MYO1B: variants seen among roughly 807,000 people sequenced by gnomAD.
MYO1B encodes unconventional myosin-Ib.
Under a neutral mutation model 159.7 loss-of-function variants are expected in MYO1B, and 72 were observed. The ratio of observed to expected loss-of-function variants is 0.45; its 90% CI spans 0.37 to 0.55. MYO1B has a LOEUF of 0.55. Among genes scored for constraint, MYO1B ranks in the 20% least tolerant of loss-of-function variants. The pLI, the probability that MYO1B is intolerant of heterozygous loss-of-function variation, is 0.00. For missense variants in MYO1B, 1,062 were observed against 1,364.8 expected (o/e 0.78, Z 3.50); for synonymous variants, 468 against 473.8 (o/e 0.99, Z 0.16).
chr2:191,307,273 G>T (rs1291544559), intron 3 of MYO1B, among the ~76,000 whole-genome samples: 1 of 151,496 alleles, frequency 6.6e-6, no homozygotes, highest in Non-Finnish European at 1.5e-5. Flanking sequence ...TCCCAACATT[G>T]CCATGGCATT....
intron 3 of MYO1B, among the ~76,000 whole-genome samples, chr2:191,317,442 G>T (rs1690424079): frequency 6.6e-6 from 1 of 152,134 alleles, no homozygotes; most frequent in African/African-American, 2.4e-5. Flanking sequence ...GCAAGGGCCT[G>T]CAATGTTACT....
In MYO1B at chr2:191,375,498, T is replaced by TAGAC. The variant is rs1553556412; in HGVS notation, c.1185+5209_1185+5210insCAGA. Among the ~76,000 whole-genome samples, 13 of 152,018 alleles carry TAGAC rather than the reference T, an allele frequency of 8.6e-5. No individual in the cohort carries two copies. In the East Asian group the frequency reaches 1.2e-3, roughly 14 times the overall value. On this transcript the variant is annotated intron_variant, in intron 13 of 30. Transcript: ENST00000392318. ...ATAGATAGATAGATAGATAGATAGATAGATAGATAGATAGATGGATCCAAC... is the reference window on the plus strand; with the variant it reads ...ATAGATAGATAGATAGATAGATAGATAGACAGATAGATAGATAGATGGATCCAAC...
At position 191,411,180 on chromosome 2, in the gene MYO1B, G is replaced by T. The variant is rs1291775455; in HGVS notation, c.2873+8G>T. On this transcript the variant is annotated splice_region_variant and intron_variant, in intron 27 of 30. Coordinates refer to ENST00000392318, the MANE Select transcript of MYO1B (RefSeq NM_001130158.3). ...GGCTTTATACCCATCTAGGTATTAT[G>T]GCTTTGCTTTACCCATAAAATTCAG... The T allele has an allele frequency of 6.6e-7, 1 of 1,526,380 alleles. No homozygotes were observed. The highest frequency in any genetic ancestry group is 2.3e-5 in the East Asian group (1 of 43,570). The allele number at this position is 1,526,380 out of a possible 1,614,324, so 94.6% of individuals were successfully genotyped here. A position where few individuals can be genotyped will look rare whatever the true frequency, so the allele number is the denominator to read the frequency against.
At chr2:191,374,653 T>G (rs1378998797) in intron 13 of MYO1B, among the ~76,000 whole-genome samples, 1 of 152,188 alleles carries the variant, frequency 6.6e-6, no homozygotes, top group Non-Finnish European at 1.5e-5. Context: ...CCACATGTGA[T>G]CCGATGTCAG....
At chr2:191,331,666 G>A (rs868295290) in intron 4 of MYO1B, among the ~76,000 whole-genome samples, 5 of 152,112 alleles carry the variant, frequency 3.3e-5, no homozygotes, top group Middle Eastern at 6.8e-3. Flanking sequence ...ACTATACTAG[G>A]GACTGTCCTT....
chr2:191,360,078 A>G (rs772684101), intron 7 of MYO1B, among the ~76,000 whole-genome samples: 47 of 152,304 alleles, frequency 3.1e-4, no homozygotes, highest in Admixed American at 2.6e-3. Context: ...ATGTGGGTGC[A>G]AGAGTCCTAA....
intron 3 of MYO1B, among the ~76,000 whole-genome samples, chr2:191,315,190 TC>T (rs1559162415): frequency 1.9e-4 from 27 of 142,008 alleles, no homozygotes; most frequent in Admixed American, 7.8e-4. Flanking sequence ...CATCCATCCA[TC>T]CACCCATCCA....
intron 3 of MYO1B, among the ~76,000 whole-genome samples, chr2:191,320,882 A>T (rs571272087): frequency 6.6e-6 from 1 of 152,066 alleles, no homozygotes; most frequent in Admixed American, 6.6e-5. Context: ...TTGGGGTTCC[A>T]GTTCAAATGG....
At chr2:191,340,596 A>C (rs1292549922) in intron 4 of MYO1B, among the ~76,000 whole-genome samples, 1 of 152,350 alleles carries the variant, frequency 6.6e-6, no homozygotes, top group East Asian at 1.9e-4. Flanking sequence ...AGTGAAGCCT[A>C]TTAAGACTAC....
chr2:191,414,483 C>A (rs761764627), intron 28 of MYO1B, 34 bp from the exon 29 acceptor site: 2 of 1,557,228 alleles, frequency 1.3e-6, no homozygotes, highest in South Asian at 1.2e-5. Flanking sequence ...TATTTGTGAT[C>A]ATTGGTTTTA....
At chr2:191,293,857 G>T (rs1688823470) in intron 2 of MYO1B, among the ~76,000 whole-genome samples, 1 of 152,148 alleles carries the variant, frequency 6.6e-6, no homozygotes, top group Non-Finnish European at 1.5e-5. Flanking sequence ...TCAAGATGGG[G>T]TTGCTCTGGT....
intron 2 of MYO1B, among the ~76,000 whole-genome samples, chr2:191,284,840 G>A (rs1192021972): frequency 6.6e-6 from 1 of 152,036 alleles, no homozygotes; most frequent in Non-Finnish European, 1.5e-5. Context: ...CACCATTTTG[G>A]CCAGGCTGGT....
At chr2:191,411,763 A>G (rs200096495) in intron 27 of MYO1B, among the ~76,000 whole-genome samples, 2 of 152,168 alleles carry the variant, frequency 1.3e-5, no homozygotes, top group Admixed American at 6.5e-5. Context: ...AGGAACACCA[A>G]TCCCAAGTTC....
At chr2:191,248,686 G>A (rs1486688122) in intron 1 of MYO1B, among the ~76,000 whole-genome samples, 1 of 152,180 alleles carries the variant, frequency 6.6e-6, no homozygotes, top group African/African-American at 2.4e-5. Flanking sequence ...AAAATCCTAA[G>A]TTGAACCATT....
chr2:191,318,098 CAAAA>C (rs944263443), intron 3 of MYO1B, among the ~76,000 whole-genome samples: 2 of 151,928 alleles, frequency 1.3e-5, no homozygotes, highest in Admixed American at 1.3e-4. Flanking sequence ...AAACTGTAAA[CAAAA>C]AAAGTCTCCC....
chr2:191,279,344 A>G (rs1048202577), intron 2 of MYO1B, among the ~76,000 whole-genome samples: 64 of 150,504 alleles, frequency 4.3e-4, no homozygotes, highest in African/African-American at 1.5e-3. Context: ...AAAGATGTGT[A>G]TGGGGGTTTA....
At chr2:191,246,688 T>C (rs1384013727) in intron 1 of MYO1B, among the ~76,000 whole-genome samples, 2 of 152,146 alleles carry the variant, frequency 1.3e-5, no homozygotes, top group Non-Finnish European at 2.9e-5. Flanking sequence ...TTTTATAGAA[T>C]CAATTTTGAC....
At chr2:191,369,502 A>C in intron 11 of MYO1B, 40 bp from the exon 12 acceptor site, 1 of 1,383,294 alleles carries the variant, frequency 7.2e-7, no homozygotes, top group Non-Finnish European at 1.0e-6. Context: ...AGCATTGTGG[A>C]ATTGTGGGTG....
intron 4 of MYO1B, among the ~76,000 whole-genome samples, chr2:191,336,489 T>A (rs895087901): frequency 3.9e-5 from 6 of 152,340 alleles, no homozygotes; most frequent in Admixed American, 1.3e-4. Context: ...GTGTGTTTAA[T>A]ATAAATTATC....
Sources: allele counts gnomAD v4.1 joint callset (sites outside exome capture counted in the v4.1 genomes callset), GRCh38; gene constraint gnomAD v4.1.1; transcripts MANE v1.5; gene names NCBI Gene and HGNC (gene_info 2026-07-23, HGNC 2026-07-21).